MCF2L2: variants seen among roughly 807,000 people sequenced by gnomAD.
MCF2L2 encodes the protein MCF.2 cell line derived transforming sequence-like 2.
A neutral mutation model predicts 150.2 loss-of-function variants in MCF2L2; 102 were observed. The observed-to-expected ratio is 0.68, with a 90% CI of 0.58 to 0.80. MCF2L2 has a LOEUF of 0.80. Ranked by LOEUF, MCF2L2 falls within the 30% of genes least tolerant of loss-of-function variation. The probability of loss-of-function intolerance (pLI) is 0.00; values close to 1 mark genes in which losing one functional copy is unlikely to be tolerated. For synonymous variants in MCF2L2, 465 were observed against 491.3 expected, an observed-to-expected ratio of 0.95 and a Z score of 0.71; for missense variants, 1,256 against 1,372.8, an observed-to-expected ratio of 0.91 and a Z score of 1.34.
At chr3:183,205,734 G>A (rs1435922390) in intron 25 of MCF2L2, 142 bp downstream of exon 25, 2 of 638,700 alleles carry the variant, frequency 3.1e-6, no homozygotes, top group Admixed American at 2.7e-5. Flanking sequence ...TCAAGCATAG[G>A]TGCTTCCAGG....
At chr3:183,218,193 C>T (rs1723013589) in intron 21 of MCF2L2, among the ~76,000 whole-genome samples, 1 of 152,166 alleles carries the variant, frequency 6.6e-6, no homozygotes, top group Non-Finnish European at 1.5e-5. Context: ...ACATGAGTGA[C>T]AGGGCTGATG....
At chr3:183,195,031 C>T (rs1033774697) in intron 26 of MCF2L2, among the ~76,000 whole-genome samples, 191 bp downstream of exon 26, 4 of 152,132 alleles carry the variant, frequency 2.6e-5, no homozygotes, top group Non-Finnish European at 5.9e-5. Flanking sequence ...GATCCATCTG[C>T]CTTGGCCTCC....
At chr3:183,183,902 A>T (rs545310268) in intron 27 of MCF2L2, among the ~76,000 whole-genome samples, 6 of 151,586 alleles carry the variant, frequency 4.0e-5, no homozygotes, top group African/African-American at 1.4e-4. Flanking sequence ...AATGGCTTTA[A>T]AAAGAAACAG....
chr3:183,277,068 C>A, intron 14 of MCF2L2, 111 bp from the exon 15 acceptor site: 1 of 662,480 alleles, frequency 1.5e-6, no homozygotes, highest in Non-Finnish European at 2.6e-6. Context: ...TCTCGATAAG[C>A]AAAATATCCA....
intron 15 of MCF2L2, among the ~76,000 whole-genome samples, chr3:183,265,793 C>T (rs1453035659): frequency 6.6e-6 from 1 of 152,188 alleles, no homozygotes; most frequent in Non-Finnish European, 1.5e-5. Flanking sequence ...TAAATCTTCC[C>T]CTTATCATTC....
intron 13 of MCF2L2, among the ~76,000 whole-genome samples, chr3:183,290,541 C>CTT (rs1409979114): frequency 1.4e-5 from 2 of 146,100 alleles, no homozygotes; most frequent in Admixed American, 6.8e-5. Context: ...TTCTTTCTTT[C>CTT]TTTTTTTTTT....
At chr3:183,294,910 G>A (rs1471215618) in intron 13 of MCF2L2, among the ~76,000 whole-genome samples, 1 of 152,068 alleles carries the variant, frequency 6.6e-6, no homozygotes. Flanking sequence ...TTACAGGCGT[G>A]AGCCACCGCG....
intron 1 of MCF2L2, 115 bp from the exon 2 acceptor site, chr3:183,389,894 G>A (rs1714045998): frequency 7.9e-6 from 6 of 764,090 alleles, no homozygotes; most frequent in East Asian, 5.2e-5. Flanking sequence ...ATCAAGAGAC[G>A]GTGCTGGCAC....
intron 5 of MCF2L2, among the ~76,000 whole-genome samples, chr3:183,334,212 T>A (rs1226126410): frequency 6.6e-6 from 1 of 152,202 alleles, no homozygotes; most frequent in Admixed American, 6.5e-5. Context: ...AGTTGGATAA[T>A]CATTATTTTG....
chr3:183,238,967 A>T (rs543785061), intron 15 of MCF2L2, among the ~76,000 whole-genome samples: 1 of 141,224 alleles, frequency 7.1e-6, no homozygotes, highest in Non-Finnish European at 1.5e-5. Flanking sequence ...ACTGCACTCC[A>T]GTCTGGGCAA....
At chr3:183,312,913 C>T (rs533977163) in intron 7 of MCF2L2, among the ~76,000 whole-genome samples, 1 of 152,344 alleles carries the variant, frequency 6.6e-6, no homozygotes, top group Non-Finnish European at 1.5e-5. Context: ...GACACCTCCT[C>T]TGGCTCTGTC....
intron 1 of MCF2L2, among the ~76,000 whole-genome samples, chr3:183,424,493 AGCAAACATTTATT>A (rs2108636600): frequency 6.6e-6 from 1 of 152,360 alleles, no homozygotes; most frequent in Admixed American, 6.5e-5. Context: ...TCATCTATTC[AGCAAACATTTATT>A]CTGCATCTCC....
chr3:183,204,078 G>T (rs28851210), intron 25 of MCF2L2, among the ~76,000 whole-genome samples: 5,689 of 152,192 alleles, frequency 0.037, 353 homozygotes, highest in African/African-American at 0.13. Context: ...TGTAAAAAAA[G>T]GAACTTGGGC....
intron 15 of MCF2L2, among the ~76,000 whole-genome samples, chr3:183,262,068 ATT>A (rs1491566716): frequency 1.3e-5 from 2 of 148,208 alleles, no homozygotes; most frequent in Non-Finnish European, 3.0e-5. Context: ...ATGCATATAT[ATT>A]ATATATATAT....
At chr3:183,265,210 A>T (rs1480097878) in intron 15 of MCF2L2, 1 of 152,250 alleles carries the variant, frequency 6.6e-6, no homozygotes, top group Non-Finnish European at 1.5e-5. Flanking sequence ...GCCCAAGGTT[A>T]CACAATAAAT....
chr3:183,254,528 C>G (rs1004173682), intron 15 of MCF2L2: 1 of 152,118 alleles, frequency 6.6e-6, no homozygotes, highest in Non-Finnish European at 1.5e-5. Context: ...CCGGGCAGCT[C>G]CGGTTGGGGC....
chr3:183,272,615 A>G (rs896459409), intron 15 of MCF2L2: 2 of 998,866 alleles, frequency 2.0e-6, no homozygotes, highest in African/African-American at 3.5e-5. Flanking sequence ...CAAACATTCT[A>G]GGTTGTAGTT....
chr3:183,216,576 ATATATTTTTTTTTTTTTTTTTTTTTTT>A (rs1213707967), intron 21 of MCF2L2, among the ~76,000 whole-genome samples: 27 of 26,516 alleles, frequency 1.0e-3, no homozygotes, highest in African/African-American at 5.1e-3. Context: ...ATATATATAT[ATATATTTTTTTTTTTTTTTTTTTTTTT>A]TTTTTTTTTT....
At chr3:183,240,919 A>G (rs1560361567) in intron 15 of MCF2L2, among the ~76,000 whole-genome samples, 1 of 152,260 alleles carries the variant, frequency 6.6e-6, no homozygotes. Flanking sequence ...TTCCCACCCA[A>G]AAACTATTGT....
Sources: gnomAD v4.1 joint callset for allele counts (sites outside exome capture counted in the v4.1 genomes callset) on GRCh38, gnomAD v4.1.1 for gene constraint, MANE v1.5 for transcripts, NCBI Gene and HGNC (gene_info 2026-07-23, HGNC 2026-07-21) for gene names.